Variants in BBS9 observed in about 807,000 individuals in gnomAD.
BBS9 encodes protein PTHB1.
BBS9 carries 89 observed loss-of-function variants against 117.7 expected under a neutral mutation model. The ratio of observed to expected loss-of-function variants is 0.76; its 90% confidence interval spans 0.64 to 0.90. The LOEUF is 0.90. Among genes scored for constraint, BBS9 ranks in the 40% least tolerant of loss-of-function variants. The pLI is 0.00. For missense variants in BBS9, 982 were observed against 1,042.2 expected (o/e 0.94, Z 0.80); for synonymous variants, 379 against 370.9 (o/e 1.02, Z -0.25).
chr7:33,547,955 A>C (rs1388239839), intron 21 of BBS9, among the ~76,000 whole-genome samples: 2 of 152,214 alleles, frequency 1.3e-5, no homozygotes, highest in Non-Finnish European at 2.9e-5. Context: ...TTGACAGAAG[A>C]AGCAATTAGG....
chr7:33,511,589 T>C (rs925814597), intron 20 of BBS9, among the ~76,000 whole-genome samples: 3 of 152,220 alleles, frequency 2.0e-5, no homozygotes, highest in African/African-American at 7.2e-5. Flanking sequence ...GGTTTAATAG[T>C]TACCTTCCCT....
intron 5 of BBS9, among the ~76,000 whole-genome samples, chr7:33,237,690 T>G (rs1252197843): frequency 6.6e-6 from 1 of 152,082 alleles, no homozygotes; most frequent in Non-Finnish European, 1.5e-5. Context: ...CAACAACCAT[T>G]TAAATTAACC....
At chr7:33,182,893 G>A (rs1265187981) in intron 5 of BBS9, among the ~76,000 whole-genome samples, 1 of 152,026 alleles carries the variant, frequency 6.6e-6, no homozygotes, top group African/African-American at 2.4e-5. Context: ...ACCAGATCCT[G>A]GATCCCAAAA....
At chr7:33,182,101 A>AAAACAAAAC (rs1340037962) in intron 5 of BBS9, among the ~76,000 whole-genome samples, 1 of 152,214 alleles carries the variant, frequency 6.6e-6, no homozygotes, top group Admixed American at 6.5e-5. Context: ...AAAACAAAAC[A>AAAACAAAAC]AAACAAAACA....
chr7:33,572,316 T>A (rs150736552), intron 21 of BBS9, among the ~76,000 whole-genome samples: 47 of 152,296 alleles, frequency 3.1e-4, no homozygotes, highest in Admixed American at 9.8e-4. Flanking sequence ...ATTGTTTATA[T>A]GTATCACATT....
chr7:33,192,921 A>G (rs567116655), intron 5 of BBS9, among the ~76,000 whole-genome samples: 1 of 152,202 alleles, frequency 6.6e-6, no homozygotes, highest in Non-Finnish European at 1.5e-5. Context: ...TTACTTAATC[A>G]CTTCCCAAAA....
intron 5 of BBS9, among the ~76,000 whole-genome samples, chr7:33,220,752 T>C (rs1790090615): frequency 6.6e-6 from 1 of 152,238 alleles, no homozygotes; most frequent in South Asian, 2.1e-4. Flanking sequence ...TACAGACTAG[T>C]ACCAAACAAA....
intron 21 of BBS9, among the ~76,000 whole-genome samples, chr7:33,536,101 A>G (rs1046704600): frequency 6.6e-5 from 10 of 152,220 alleles, no homozygotes; most frequent in African/African-American, 2.4e-4. Context: ...AGGGAGAAAG[A>G]AATGAAAAGA....
At chr7:33,548,017 C>T (rs1585211156) in intron 21 of BBS9, among the ~76,000 whole-genome samples, 1 of 151,926 alleles carries the variant, frequency 6.6e-6, no homozygotes, top group Non-Finnish European at 1.5e-5. Context: ...ATAACATTCT[C>T]CCTGTGTGTA....
chr7:33,200,901 A>G (rs762633142), intron 5 of BBS9, among the ~76,000 whole-genome samples: 42 of 152,144 alleles, frequency 2.8e-4, no homozygotes, highest in Non-Finnish European at 4.7e-4. Flanking sequence ...GCTTAGCTTT[A>G]TTGGCTATCA....
chr7:33,358,102 G>T (rs1249646534), intron 16 of BBS9, 107 bp downstream of exon 16: 2 of 1,424,268 alleles, frequency 1.4e-6, no homozygotes, highest in African/African-American at 2.8e-5. Flanking sequence ...TAATTGTTAA[G>T]TAAGAGTATA....
chr7:33,601,746 T>C (rs898469225), intron 21 of BBS9, among the ~76,000 whole-genome samples: 2 of 152,138 alleles, frequency 1.3e-5, no homozygotes, highest in Admixed American at 6.5e-5. Flanking sequence ...ATTTTCTTTT[T>C]GCAAGATACG....
At position 33,146,323 on chromosome 7, in the gene BBS9, G is replaced by A. The variant is rs1792335317; in HGVS notation, c.71G>A (p.Cys24Tyr). The A allele has an allele frequency of 2.5e-6, 4 of 1,614,128 alleles. No homozygotes were observed. The highest frequency in any genetic ancestry group is 3.4e-6 in the Non-Finnish European group (4 of 1,179,996). The change falls in exon 2 of 23, where the codon TGT becomes TAT. Residue 24 changes from cysteine to tyrosine, a missense_variant. Transcript: ENST00000242067. ...GATAAAGAAGAATTTGATCAAGGCT[G>A]TTTGTGTCTGGCTAATGTTGACAAT... ...LGDKEEFDQG[C>Y]LCLANVDNSG...
At chr7:33,312,832 A>G (rs1458085106) in intron 9 of BBS9, among the ~76,000 whole-genome samples, 4 of 151,938 alleles carry the variant, frequency 2.6e-5, no homozygotes, top group African/African-American at 9.7e-5. Context: ...AATGTACTAC[A>G]TTTATTTCTT....
intron 5 of BBS9, among the ~76,000 whole-genome samples, chr7:33,249,017 A>G (rs191798014): frequency 4.6e-5 from 7 of 152,318 alleles, no homozygotes; most frequent in Admixed American, 1.3e-4. Flanking sequence ...GAGAGATTCA[A>G]AAAACATGTA....
In BBS9 at chr7:33,294,340, TC is replaced by T. The variant is rs1804791757; in HGVS notation, c.1016+20385del. 2.1e-5 allele frequency among the ~76,000 whole-genome samples: 3 copies of T among 144,614 alleles called. No homozygotes were observed. In the South Asian group the frequency reaches 6.7e-4, roughly 32 times the overall value. The allele number at this position is 144,614 out of a possible 152,430, so 94.9% of individuals were successfully genotyped here. A position where few individuals can be genotyped will look rare whatever the true frequency, so the allele number is the denominator to read the frequency against. ...ATCTATCTATCTATCTATCTATCTATCTATCTATCTATCTCTTTGTCCATCC... is the reference window on the plus strand; with the variant it reads ...ATCTATCTATCTATCTATCTATCTATTATCTATCTATCTCTTTGTCCATCC... On this transcript the variant is annotated intron_variant, in intron 9 of 22. Transcript: ENST00000242067.
chr7:33,141,210 G>C (rs1470128386), intron 1 of BBS9, among the ~76,000 whole-genome samples: 1 of 152,084 alleles, frequency 6.6e-6, no homozygotes, highest in Non-Finnish European at 1.5e-5. Flanking sequence ...ATTGCTTGAG[G>C]TCAGGAGTTG....
At chr7:33,370,136 G>C (rs1380000979) in intron 17 of BBS9, among the ~76,000 whole-genome samples, 1 of 151,874 alleles carries the variant, frequency 6.6e-6, no homozygotes, top group African/African-American at 2.4e-5. Context: ...AAATTCCCTG[G>C]GGAACTGAGT....
intron 19 of BBS9, among the ~76,000 whole-genome samples, chr7:33,466,160 G>A (rs1252327537): frequency 6.6e-6 from 1 of 152,002 alleles, no homozygotes; most frequent in Non-Finnish European, 1.5e-5. Context: ...TGTGTGTAGT[G>A]GAAAACTTAA....
Sources: gnomAD v4.1 joint callset for allele counts (sites outside exome capture counted in the v4.1 genomes callset) on GRCh38, gnomAD v4.1.1 for gene constraint, MANE v1.5 for transcripts, NCBI Gene and HGNC (gene_info 2026-07-23, HGNC 2026-07-21) for gene names.